The following PAK1 variants were observed in gnomAD, a reference collection of about 807,000 sequenced individuals.
PAK1 encodes p21 (RAC1) activated kinase 1, also known as serine/threonine-protein kinase PAK 1.
Under a neutral mutation model 67.4 loss-of-function variants are expected in PAK1, and 29 were observed. That is an observed-to-expected ratio of 0.43 (90% CI 0.32 to 0.59). PAK1 has a LOEUF of 0.59. PAK1 is among the 20% of genes least tolerant of loss of function. The probability of loss-of-function intolerance (pLI) is 0.07; values close to 1 mark genes in which losing one functional copy is unlikely to be tolerated. For missense variants in PAK1, 337 were observed against 670.7 expected, an observed-to-expected ratio of 0.50 and a Z score of 5.50; for synonymous variants, 223 against 237.4, an observed-to-expected ratio of 0.94 and a Z score of 0.56.
At chr11:77,426,960 A>G (rs1955581186) in intron 1 of PAK1, among the ~76,000 whole-genome samples, 1 of 152,226 alleles carries the variant, frequency 6.6e-6, no homozygotes, top group South Asian at 2.1e-4. Flanking sequence ...GCCCCGGAAG[A>G]ATGAATGATC....
intron 1 of PAK1, among the ~76,000 whole-genome samples, chr11:77,439,103 T>C (rs1329859724): frequency 1.3e-5 from 2 of 152,360 alleles, no homozygotes; most frequent in Non-Finnish European, 2.9e-5. Flanking sequence ...CTATCTCCTC[T>C]ATCTTTTAAA....
intron 1 of PAK1, among the ~76,000 whole-genome samples, chr11:77,465,077 C>T (rs1163755383): frequency 6.6e-6 from 1 of 151,838 alleles, no homozygotes; most frequent in Non-Finnish European, 1.5e-5. Flanking sequence ...TGTCCTGGAA[C>T]CTTTACCACA....
chr11:77,383,856 G>A (rs952253873), intron 2 of PAK1, among the ~76,000 whole-genome samples: 1 of 152,150 alleles, frequency 6.6e-6, no homozygotes, highest in Non-Finnish European at 1.5e-5. Context: ...ACAAACCCAG[G>A]AGCTAAACAG....
intron 14 of PAK1, among the ~76,000 whole-genome samples, chr11:77,324,768 CACACACACAG>C (rs1401125244): frequency 1.2e-4 from 14 of 120,242 alleles, no homozygotes; most frequent in African/African-American, 6.9e-4. Flanking sequence ...CACACACACA[CACACACACAG>C]AGAGAGAGAG....
the PAK1 span, among the ~76,000 whole-genome samples, chr11:77,527,814 T>A: frequency 1.3e-5 from 2 of 152,058 alleles, no homozygotes; most frequent in Non-Finnish European, 2.9e-5. Flanking sequence ...TTATTAATAC[T>A]CTGCATCATT....
intron 1 of PAK1, among the ~76,000 whole-genome samples, chr11:77,417,007 G>C (rs1954999216): frequency 6.6e-6 from 1 of 151,886 alleles, no homozygotes; most frequent in Admixed American, 6.6e-5. Context: ...TGGCAGCACA[G>C]CAGGTTTGTT....
the PAK1 span, among the ~76,000 whole-genome samples, chr11:77,499,255 G>T: frequency 7.7e-3 from 1,174 of 151,960 alleles, 10 homozygotes; most frequent in Non-Finnish European, 0.011. Context: ...TTGAGATGGG[G>T]TCTCATTATG....
At chr11:77,325,340 A>G (rs758012376) in intron 14 of PAK1, 2 of 1,613,824 alleles carry the variant, frequency 1.2e-6, no homozygotes, top group Non-Finnish European at 1.7e-6. Context: ...GCTATCATGG[A>G]AAAGTTACTA....
chr11:77,465,686 G>A (rs11237196), intron 1 of PAK1, among the ~76,000 whole-genome samples: 37,165 of 152,036 alleles, frequency 0.24, 5,626 homozygotes, highest in South Asian at 0.45. Context: ...ATTCTTGGCC[G>A]GGCAAAGTGG....
At chr11:77,460,361 T>C (rs1957287922) in intron 1 of PAK1, among the ~76,000 whole-genome samples, 1 of 148,180 alleles carries the variant, frequency 6.7e-6, no homozygotes, top group South Asian at 2.1e-4. Flanking sequence ...TTTGGCACCA[T>C]GAACATCATT....
intron 1 of PAK1, among the ~76,000 whole-genome samples, 152 bp from the exon 2 acceptor site, chr11:77,392,693 C>G (rs1473361434): frequency 6.6e-6 from 1 of 152,242 alleles, no homozygotes; most frequent in African/African-American, 2.4e-5. Flanking sequence ...ATTGCTAACA[C>G]TCACTGATGT....
intron 1 of PAK1, among the ~76,000 whole-genome samples, chr11:77,403,833 A>G (rs1464325992): frequency 6.6e-6 from 1 of 152,232 alleles, no homozygotes; most frequent in Admixed American, 6.5e-5. Flanking sequence ...CAAGTATTGG[A>G]AACTTAATCC....
At chr11:77,433,509 G>A (rs887197983) in intron 1 of PAK1, among the ~76,000 whole-genome samples, 4 of 152,202 alleles carry the variant, frequency 2.6e-5, no homozygotes, top group Non-Finnish European at 4.4e-5. Flanking sequence ...GCTGGGCGCA[G>A]TGGCTCACAC....
At position 77,338,427 on chromosome 11, in the gene PAK1, G is replaced by A. The variant is rs183286541; in HGVS notation, c.1117-1004C>T. 5.3e-5 allele frequency among the ~76,000 whole-genome samples: 8 copies of A among 152,246 alleles called. No homozygotes were observed. The East Asian group carries it at 1.4e-3, about 26-fold the overall frequency. ...AATGTAAGAGCTGCTCTTCTTAGAAGGGTGGAGAAACAGGTCTCAGGATGT... is the reference window on the plus strand; with the variant it reads ...AATGTAAGAGCTGCTCTTCTTAGAAAGGTGGAGAAACAGGTCTCAGGATGT... On this transcript the variant is annotated intron_variant, in intron 11 of 14. Transcript: ENST00000356341.
At chr11:77,443,931 A>G (rs750536684) in intron 1 of PAK1, among the ~76,000 whole-genome samples, 2 of 152,202 alleles carry the variant, frequency 1.3e-5, no homozygotes, top group Non-Finnish European at 2.9e-5. Context: ...AGTATATAGT[A>G]TTCTGGAGTC....
chr11:77,440,012 A>T (rs1956285592), intron 1 of PAK1, among the ~76,000 whole-genome samples: 1 of 152,204 alleles, frequency 6.6e-6, no homozygotes, highest in Non-Finnish European at 1.5e-5. Context: ...TACACCTGTC[A>T]TCGGAGAATC....
chr11:77,432,308 C>T lies in PAK1; in HGVS notation c.-21-39767G>A, dbSNP rs577810949. Among the ~76,000 whole-genome samples, 88 of 151,150 alleles carry T rather than the reference C, an allele frequency of 5.8e-4. 1 individual carries two copies. Among genetic ancestry groups the T allele is most frequent in the Non-Finnish European group, 4.7e-4 (32 of 67,808 alleles). On this transcript the variant is annotated intron_variant, in intron 1 of 14. Transcript: ENST00000356341. The stretch of plus-strand genomic sequence containing the variant: ...GGCAACTTCCTTAATCTGATAAAGG[C>T]ATCTATGAAAAACCCACAGTTAATA...
At chr11:77,390,990 A>G (rs1951070082) in intron 2 of PAK1, among the ~76,000 whole-genome samples, 1 of 152,168 alleles carries the variant, frequency 6.6e-6, no homozygotes, top group African/African-American at 2.4e-5. Flanking sequence ...TACAAATGCA[A>G]TGTGTCCAAA....
intron 2 of PAK1, among the ~76,000 whole-genome samples, chr11:77,389,507 C>T (rs1446381036): frequency 1.3e-5 from 2 of 152,240 alleles, no homozygotes; most frequent in Admixed American, 6.5e-5. Context: ...AATTTCTCCA[C>T]ATCCTCACTA....
Sources: gnomAD v4.1 joint callset for allele counts (sites outside exome capture counted in the v4.1 genomes callset) on GRCh38, gnomAD v4.1.1 for gene constraint, MANE v1.5 for transcripts, NCBI Gene and HGNC (gene_info 2026-07-23, HGNC 2026-07-21) for gene names.